The following BMPER variants were observed in gnomAD, a reference collection of about 807,000 sequenced individuals.
BMPER encodes the protein BMP-binding endothelial regulator protein.
Under a neutral mutation model 87.3 loss-of-function variants are expected in BMPER, and 45 were observed. The ratio of observed to expected loss-of-function variants is 0.52; its 90% confidence interval spans 0.41 to 0.66. BMPER has a LOEUF of 0.66. BMPER is among the 30% of genes least tolerant of loss of function. The pLI is 0.00. For synonymous variants in BMPER, 326 were observed against 316.2 expected (o/e 1.03, Z -0.33); for missense variants, 784 against 867.5 (o/e 0.90, Z 1.21).
At chr7:34,115,296 T>C in intron 13 of BMPER, among the ~76,000 whole-genome samples, 1 of 152,274 alleles carries the variant, frequency 6.6e-6, no homozygotes, top group East Asian at 1.9e-4. Context: ...ACAATAATCA[T>C]GGCATTGGTT....
chr7:34,070,816 C>CTTTTTTT (rs60588204), intron 11 of BMPER, among the ~76,000 whole-genome samples: 2 of 119,500 alleles, frequency 1.7e-5, no homozygotes, highest in Non-Finnish European at 3.5e-5. Context: ...AGCGGCAGAG[C>CTTTTTTT]TTTTTTTTTT....
intron 12 of BMPER, among the ~76,000 whole-genome samples, chr7:34,079,963 C>T (rs929387797): frequency 3.3e-5 from 5 of 152,212 alleles, no homozygotes; most frequent in African/African-American, 1.2e-4. Context: ...AAGCAGAACT[C>T]AGTCCTTGAA....
At position 34,085,888 on chromosome 7, in the gene BMPER, A is replaced by T. The variant is rs751464047; in HGVS notation, c.1541A>T (p.Asn514Ile). ...KRDDLIGGDGNFKFDVDDFAE... is the reference protein window; with the variant it reads ...KRDDLIGGDGIFKFDVDDFAE... ...GATGACTTAATTGGTGGAGATGGAA[A>T]CTTCAAGTTTGATGTGGATGACTTT... is the stretch of plus-strand genomic sequence containing the variant. Residue 514 changes from asparagine (N) to isoleucine (I), a missense_variant, in exon 13 of 15, where the codon AAC becomes ATC. Transcript: ENST00000649409. 27 of 1,614,150 alleles carry T rather than the reference A, an allele frequency of 1.7e-5. No individual in the cohort carries two copies. In the South Asian group the frequency reaches 2.5e-4, roughly 15 times the overall value.
At chr7:33,905,459 C>A (rs552282410), upstream of BMPER, 236 of 542,638 alleles carry the variant, frequency 4.3e-4, no homozygotes, top group African/African-American at 4.2e-3. Context: ...TCCCTCACAC[C>A]CCCCCGCCCC....
intron 6 of BMPER, among the ~76,000 whole-genome samples, chr7:34,038,260 T>A (rs1787737098): frequency 1.3e-5 from 2 of 151,956 alleles, no homozygotes. Flanking sequence ...TCGGAGGAGA[T>A]GTGATGATGA....
At chr7:33,947,182 T>G (rs867651586) in intron 3 of BMPER, among the ~76,000 whole-genome samples, 37 of 152,290 alleles carry the variant, frequency 2.4e-4, no homozygotes, top group African/African-American at 8.7e-4. Context: ...GTCAAACAGA[T>G]GGTTTTGGCA....
At chr7:33,966,619 C>T in intron 4 of BMPER, 58 bp downstream of exon 4, 1 of 1,493,158 alleles carries the variant, frequency 6.7e-7, no homozygotes, top group Non-Finnish European at 9.3e-7. Context: ...CCTCTTTAGT[C>T]ACCCCTTCAC....
intron 6 of BMPER, among the ~76,000 whole-genome samples, chr7:34,014,379 C>G (rs1786965859): frequency 6.6e-6 from 1 of 151,894 alleles, no homozygotes; most frequent in Non-Finnish European, 1.5e-5. Flanking sequence ...TGAATGCATA[C>G]TAAGGCATTA....
intron 13 of BMPER, among the ~76,000 whole-genome samples, chr7:34,129,634 A>AAGAG (rs1221795831): frequency 9.1e-5 from 12 of 131,776 alleles, no homozygotes; most frequent in African/African-American, 2.0e-4. Context: ...GAAAGAGAGA[A>AAGAG]AGAAAGAAAG....
At chr7:34,118,197 C>G (rs1207431060) in intron 13 of BMPER, among the ~76,000 whole-genome samples, 1 of 151,978 alleles carries the variant, frequency 6.6e-6, no homozygotes, top group Non-Finnish European at 1.5e-5. Context: ...CCCAGCTACT[C>G]AGGAGGCTAA....
intron 13 of BMPER, among the ~76,000 whole-genome samples, chr7:34,094,294 G>T (rs2127980305): frequency 6.6e-6 from 1 of 152,342 alleles, no homozygotes; most frequent in South Asian, 2.1e-4. Context: ...TGCCTAGTGT[G>T]GGCAGACAGC....
chr7:34,076,430 GT>G (rs1788867588), intron 11 of BMPER, among the ~76,000 whole-genome samples: 1 of 152,106 alleles, frequency 6.6e-6, no homozygotes, highest in South Asian at 2.1e-4. Flanking sequence ...TTTGGCGGGG[GT>G]TGTGCATATT....
intron 6 of BMPER, among the ~76,000 whole-genome samples, chr7:34,043,403 A>G (rs1042059520): frequency 1.3e-5 from 2 of 152,158 alleles, no homozygotes; most frequent in Non-Finnish European, 2.9e-5. Flanking sequence ...ATGTAGACCT[A>G]TAAGTGTTTT....
chr7:34,079,220 C>T, intron 12 of BMPER, 34 bp downstream of exon 12: 1 of 1,610,768 alleles, frequency 6.2e-7, no homozygotes, highest in Non-Finnish European at 8.5e-7. Flanking sequence ...TTGCTCTAGC[C>T]TCCGCCTCAC....
intron 6 of BMPER, among the ~76,000 whole-genome samples, chr7:33,992,160 C>T (rs1261907217): frequency 6.7e-6 from 1 of 149,194 alleles, no homozygotes; most frequent in East Asian, 2.0e-4. Flanking sequence ...GAGTTCAATT[C>T]CTGGGTATCC....
chr7:34,083,936 C>G (rs1274797636), intron 12 of BMPER, among the ~76,000 whole-genome samples: 1 of 150,562 alleles, frequency 6.6e-6, no homozygotes, highest in Non-Finnish European at 1.5e-5. Flanking sequence ...TCATTTTGCT[C>G]TTTCCAGCAG....
At chr7:33,938,937 A>C (rs1003392134) in intron 3 of BMPER, among the ~76,000 whole-genome samples, 1 of 152,190 alleles carries the variant, frequency 6.6e-6, no homozygotes, top group African/African-American at 2.4e-5. Flanking sequence ...AAGCAGGAGA[A>C]TCACTTGAAC....
intron 13 of BMPER, among the ~76,000 whole-genome samples, chr7:34,129,577 G>GAAGA (rs1195963861): frequency 6.3e-5 from 3 of 47,758 alleles, no homozygotes; most frequent in African/African-American, 2.3e-4. Context: ...AAGGAAGGAA[G>GAAGA]GAGAGAGAGA....
intron 6 of BMPER, among the ~76,000 whole-genome samples, chr7:34,032,922 G>A (rs190622304): frequency 6.6e-6 from 1 of 152,218 alleles, no homozygotes; most frequent in East Asian, 1.9e-4. Flanking sequence ...GAGAAAGAGG[G>A]AACAAGAATT....
Sources: allele counts gnomAD v4.1 joint callset (sites outside exome capture counted in the v4.1 genomes callset), GRCh38; gene constraint gnomAD v4.1.1; transcripts MANE v1.5; gene names NCBI Gene and HGNC (gene_info 2026-07-23, HGNC 2026-07-21).